Variants in PLEKHH1 observed in about 807,000 individuals in gnomAD.
PLEKHH1 encodes pleckstrin homology, MyTH4 and FERM domain containing H1.
PLEKHH1 carries 104 observed loss-of-function variants against 160.0 expected under a neutral mutation model. That is an observed-to-expected ratio of 0.65 (90% CI 0.55 to 0.76). The LOEUF is 0.76. Ranked by LOEUF, PLEKHH1 falls within the 30% of genes least tolerant of loss-of-function variation. PLEKHH1 has a pLI of 0.00. For missense variants in PLEKHH1, 1,427 were observed against 1,724.1 expected (o/e 0.83, Z 3.05); for synonymous variants, 619 against 678.4 (o/e 0.91, Z 1.36).
At chr14:67,550,866 A>C (rs981183645) in intron 2 of PLEKHH1, among the ~76,000 whole-genome samples, 2 of 152,202 alleles carry the variant, frequency 1.3e-5, no homozygotes, top group African/African-American at 4.8e-5. Context: ...ACCTTAGGCA[A>C]GTTACCTTAC....
chr14:67,576,383 GC>G lies in PLEKHH1; in HGVS notation c.2353-9del. The G allele has an allele frequency of 6.5e-7, 1 of 1,533,458 alleles. No individual in the cohort carries two copies. Among genetic ancestry groups the G allele is most frequent in the Non-Finnish European group, 9.0e-7 (1 of 1,109,106 alleles). 95.0% of individuals were successfully genotyped at this position (1,533,458 alleles called of 1,614,324 possible). On this transcript the variant is annotated splice_polypyrimidine_tract_variant and intron_variant, in intron 16 of 28. Coordinates refer to ENST00000329153, the MANE Select transcript of PLEKHH1 (RefSeq NM_020715.3). The surrounding 1 kb of genome is among the most constrained non-coding windows in gnomAD (Gnocchi z 4.0). ...CCCCGTCCCCATCCGATGGCTTTCCGCCCTCTTCCAGGATACGTGGCTCTAC... is the reference window on the plus strand; with the variant it reads ...CCCCGTCCCCATCCGATGGCTTTCCGCCTCTTCCAGGATACGTGGCTCTAC...
At position 67,576,349 on chromosome 14, in the gene PLEKHH1, C is replaced by A; in HGVS notation, c.2353-46C>A. 1 of 1,118,246 alleles carries A rather than the reference C, an allele frequency of 8.9e-7. No individual in the cohort carries two copies. The highest frequency in any genetic ancestry group is 1.3e-5 in the South Asian group (1 of 74,074). The allele number at this position is 1,118,246 out of a possible 1,614,324, so 69.3% of individuals were successfully genotyped here. A position where few individuals can be genotyped will look rare whatever the true frequency, so the allele number is the denominator to read the frequency against. On this transcript the variant is annotated intron_variant, in intron 16 of 28. Transcript: ENST00000329153. This position sits in a 1 kb window ranked among gnomAD's most constrained non-coding sequence, Gnocchi z 4.0. ...GTCCTCCTTGGAGCTCTTGCCTCCA[C>A]TCTTCCCACCCCGTCCCCATCCGAT...
At position 67,582,749 on chromosome 14, in the gene PLEKHH1, A is replaced by C. The variant is rs548918880; in HGVS notation, c.3426+539A>C. On this transcript the variant is annotated intron_variant, in intron 24 of 28. Transcript: ENST00000329153. This position sits in a 1 kb window ranked among gnomAD's most constrained non-coding sequence, Gnocchi z 5.0. ...CTACTCGGCAGGCTGAGGCAGGAGA[A>C]TCACTTGTACCTGGGAGGCAGAGGT... is the stretch of plus-strand genomic sequence containing the variant. Among the ~76,000 whole-genome samples the C allele has an allele frequency of 2.8e-4, 43 of 152,324 alleles. No individual in the cohort carries two copies. The highest frequency in any genetic ancestry group is 3.4e-3 in the Middle Eastern group (1 of 294).
chr14:67,567,602 C>T (rs750077391), intron 7 of PLEKHH1, among the ~76,000 whole-genome samples: 2 of 152,104 alleles, frequency 1.3e-5, no homozygotes, highest in Non-Finnish European at 2.9e-5. Context: ...TCCTCACCGC[C>T]CCTCTGTCTC....
At chr14:67,548,237 T>C (rs1377080724) in intron 2 of PLEKHH1, among the ~76,000 whole-genome samples, 1 of 152,228 alleles carries the variant, frequency 6.6e-6, no homozygotes, top group Non-Finnish European at 1.5e-5. Context: ...GCTAAACCTG[T>C]TTCTCAGTTA....
chr14:67,573,342 TG>T lies in PLEKHH1; in HGVS notation c.1797del (p.Trp599CysfsTer4). On this transcript the variant is annotated frameshift_variant, in exon 12 of 29. Coordinates refer to ENST00000329153, the MANE Select transcript of PLEKHH1 (RefSeq NM_020715.3). LOFTEE classifies it high-confidence loss of function. This position sits in a 1 kb window ranked among gnomAD's most constrained non-coding sequence, Gnocchi z 4.8. ...GSQVKTWKRR[W>X]FVLRQGQIMY... ...CCAGGTGAAGACGTGGAAGAGGCGC[TG>T]GTTTGTCCTGAGACAGGGACAGATT... 1 of 1,613,656 alleles carries T rather than the reference TG, an allele frequency of 6.2e-7. No individual in the cohort carries two copies. The highest frequency in any genetic ancestry group is 2.2e-5 in the East Asian group (1 of 44,876).
chr14:67,579,589 G>T, intron 21 of PLEKHH1, 132 bp from the exon 22 acceptor site: 1 of 895,744 alleles, frequency 1.1e-6, no homozygotes. Context: ...TGTGAACACA[G>T]AAACCAACTT....
At position 67,572,281 on chromosome 14, in the gene PLEKHH1, A is replaced by T. The variant is rs2035422366; in HGVS notation, c.1728+4A>T. The T allele has an allele frequency of 6.3e-7, 1 of 1,592,412 alleles. No homozygotes were observed. Among genetic ancestry groups the T allele is most frequent in the Admixed American group, 1.7e-5 (1 of 57,734 alleles). ...CGACGGGCTGGGCCTGGGCGGGGTG[A>T]GCCGGGAAACGGGCGGGGGCAGGGT... On this transcript the variant is annotated splice_donor_region_variant and intron_variant, in intron 11 of 28. Transcript: ENST00000329153.
intron 3 of PLEKHH1, 141 bp downstream of exon 3, chr14:67,556,028 T>C: frequency 8.9e-7 from 1 of 1,120,790 alleles, no homozygotes; most frequent in Admixed American, 2.2e-5. Context: ...CGTGGAGCTT[T>C]CTGTGGGAGT....
At chr14:67,545,729 A>G (rs538008662) in intron 2 of PLEKHH1, among the ~76,000 whole-genome samples, 6 of 152,362 alleles carry the variant, frequency 3.9e-5, no homozygotes, top group Admixed American at 3.9e-4. Flanking sequence ...ATTAAAAATG[A>G]ATCAAGTAGA....
intron 28 of PLEKHH1, chr14:67,586,531 C>A: frequency 2.7e-6 from 2 of 731,730 alleles, no homozygotes; most frequent in Non-Finnish European, 4.2e-6. Context: ...AGTGCTCCCT[C>A]TTCCTTGTTG....
intron 8 of PLEKHH1, chr14:67,569,657 TG>T (rs975133621): frequency 3.8e-6 from 2 of 525,592 alleles, no homozygotes; most frequent in Non-Finnish European, 6.9e-6. Context: ...TCTGCAACAG[TG>T]GAACACTGTG....
Position 67,573,369 on chromosome 14 carries a change from A to G in PLEKHH1, c.1822A>G (p.Met608Val). 3 of 1,606,442 alleles carry G rather than the reference A, an allele frequency of 1.9e-6. No homozygotes were observed. In the South Asian group the frequency reaches 3.3e-5, roughly 18 times the overall value. ...RWFVLRQGQI[M>V]YYKSPSDVIR... is the part of the protein sequence containing the mutation. ...GTTTGTCCTGAGACAGGGACAGATT[A>G]TGTACTACAAGTCCCCGGTGAGAGT... The change falls in exon 12 of 29, where the codon ATG becomes GTG. Residue 608 changes from methionine (M) to valine (V), a missense_variant. Physicochemically the swap from Met to Val is conservative, Grantham distance 21. This residue lies in a region of PLEKHH1 where 831 missense variants were observed against 929.2 expected (regional missense o/e 0.89). Transcript: ENST00000329153. The surrounding 1 kb of genome is among the most constrained non-coding windows in gnomAD (Gnocchi z 4.8).
chr14:67,562,001 G>A lies in PLEKHH1; in HGVS notation c.471G>A (p.Val157=), dbSNP rs761956249. ...QHLKSHNQRL[V]EQVGSLQDAL... ...TGAAAAGCCATAATCAGCGCCTGGT[G>A]GAGCAGGTGGGATCCCTTCAAGATG... The change falls in exon 6 of 29, where the codon GTG becomes GTA. Residue 157 remains valine (V), a synonymous_variant. Transcript: ENST00000329153. 6.2e-6 allele frequency: 10 copies of A among 1,613,764 alleles called. No individual in the cohort carries two copies. In the South Asian group the frequency reaches 8.8e-5, roughly 14 times the overall value.
At position 67,589,589 on chromosome 14, in the gene PLEKHH1, C is replaced by T. The variant is rs2036305464; in HGVS notation, c.*2354C>T. ...TAACAGTAAATAAATAAGCCCTGTACAGAACACAGGCACTAGGTTGACAGA... is the reference window on the plus strand; with the variant it reads ...TAACAGTAAATAAATAAGCCCTGTATAGAACACAGGCACTAGGTTGACAGA... On this transcript the variant is annotated 3_prime_UTR_variant, in exon 29 of 29. Transcript: ENST00000329153. The T allele has an allele frequency of 2.0e-6, 2 of 985,536 alleles. No homozygotes were observed. The highest frequency in any genetic ancestry group is 2.4e-6 in the Non-Finnish European group (2 of 830,056). The allele number at this position is 985,536 out of a possible 1,614,324, so 61.0% of individuals were successfully genotyped here.
At position 67,583,978 on chromosome 14, in the gene PLEKHH1, C is replaced by G; in HGVS notation, c.3570-17C>G. The stretch of plus-strand genomic sequence containing the variant: ...GGCACTTCATTGGCACTATTTCTCT[C>G]CATCTGCCCACACCAGGCACCTGGC... On this transcript the variant is annotated splice_polypyrimidine_tract_variant and intron_variant, in intron 25 of 28. Transcript: ENST00000329153. 1 of 1,613,922 alleles carries G rather than the reference C, an allele frequency of 6.2e-7. No homozygotes were observed. Among genetic ancestry groups the G allele is most frequent in the East Asian group, 2.2e-5 (1 of 44,882 alleles).
chr14:67,561,339 C>T (rs2034828367), intron 5 of PLEKHH1, among the ~76,000 whole-genome samples: 5 of 152,164 alleles, frequency 3.3e-5, no homozygotes, highest in Admixed American at 2.0e-4. Context: ...TTGCTCGACA[C>T]TAGGAGTTTG....
chr14:67,586,063 T>C lies in PLEKHH1; in HGVS notation c.3899T>C (p.Ile1300Thr), dbSNP rs2036144428. 1.9e-6 allele frequency: 3 copies of C among 1,613,978 alleles called. No individual in the cohort carries two copies. Among genetic ancestry groups the C allele is most frequent in the Non-Finnish European group, 1.7e-6 (2 of 1,179,884 alleles). The part of the protein sequence containing the change: ...IPDKSSGKSH[I>T]EKLIFRMAAP... ...GACAAGAGCTCTGGAAAAAGCCACATTGAGAAGTTGATCTTCCGGATGGCT... is the reference window on the plus strand; with the variant it reads ...GACAAGAGCTCTGGAAAAAGCCACACTGAGAAGTTGATCTTCCGGATGGCT... Residue 1300 changes from isoleucine (I) to threonine (T), a missense_variant, in exon 28 of 29, where the codon ATT (isoleucine) becomes ACT (threonine). Ile to Thr is a moderately conservative substitution (Grantham distance 89). Around this residue, in one of 6 missense-constraint regions of PLEKHH1, gnomAD observed 96 missense variants for 97.6 expected, o/e 0.98. Transcript: ENST00000329153.
chr14:67,585,309 G>C (rs990723530), intron 26 of PLEKHH1: 6 of 455,872 alleles, frequency 1.3e-5, no homozygotes, highest in African/African-American at 2.0e-5. Context: ...TGGGTTCTAG[G>C]GACATCAAAA....
Sources: gnomAD v4.1 joint callset for allele counts (sites outside exome capture counted in the v4.1 genomes callset) on GRCh38, gnomAD v4.1.1 for gene constraint, gnomAD v4.1.1 regional missense constraint, Gnocchi (gnomAD v3.1) non-coding constraint, MANE v1.5 for transcripts, NCBI Gene and HGNC (gene_info 2026-07-23, HGNC 2026-07-21) for gene names.